GUCY1A2: variants seen among roughly 807,000 people sequenced by gnomAD.
GUCY1A2 encodes guanylate cyclase 1 soluble subunit alpha 2.
In GUCY1A2, 27 loss-of-function variants were observed where a neutral mutation model predicts 63.5. That is an observed-to-expected ratio of 0.43 (90% CI 0.31 to 0.59). The LOEUF is 0.59. GUCY1A2 is among the 20% of genes least tolerant of loss of function. The probability of loss-of-function intolerance (pLI) is 0.11; values close to 1 mark genes in which losing one functional copy is unlikely to be tolerated. For missense variants in GUCY1A2, 768 were observed against 913.3 expected (o/e 0.84, Z 2.05); for synonymous variants, 364 against 343.5 (o/e 1.06, Z -0.66).
At chr11:106,885,108 C>A (rs1290126640) in intron 4 of GUCY1A2, among the ~76,000 whole-genome samples, 1 of 152,132 alleles carries the variant, frequency 6.6e-6, no homozygotes, top group Non-Finnish European at 1.5e-5. Context: ...ACGTCACCAG[C>A]TCAAAACACC....
In GUCY1A2 at chr11:106,708,557, G is replaced by A. The variant is rs765787733; in HGVS notation, c.1946C>T (p.Ser649Leu). The change falls in exon 7 of 8, where the codon TCG becomes TTG. Residue 649 changes from serine to leucine, a missense_variant. Physicochemically the swap from Ser to Leu is moderately radical, Grantham distance 145. Transcript: ENST00000526355. ...NNVTLASKFE[S>L]GSHPRRINVS... ...ATTGATGCGCCGAGGGTGACTTCCC[G>A]ACTCGAATTTGCTTGCCAGTGTGAC... The A allele has an allele frequency of 1.2e-6, 2 of 1,612,662 alleles. No individual in the cohort carries two copies. Among genetic ancestry groups the A allele is most frequent in the Admixed American group, 1.7e-5 (1 of 59,872 alleles).
At chr11:107,008,431 T>C (rs150846845) in intron 1 of GUCY1A2, among the ~76,000 whole-genome samples, 2,053 of 152,320 alleles carry the variant, frequency 0.013, 28 homozygotes, top group South Asian at 0.045. Context: ...GTTATAACTA[T>C]ATTCCCGTTT....
intron 4 of GUCY1A2, among the ~76,000 whole-genome samples, chr11:106,935,445 CTAATTCTTGA>C (rs1243637439): frequency 2.0e-5 from 3 of 152,168 alleles, no homozygotes; most frequent in African/African-American, 7.2e-5. Flanking sequence ...ATTATTTTAA[CTAATTCTTGA>C]TAACAAGATG....
chr11:106,687,832 T>C (rs1334117215), intron 7 of GUCY1A2, 76 bp from the exon 8 acceptor site: 7 of 960,042 alleles, frequency 7.3e-6, no homozygotes, highest in Non-Finnish European at 1.2e-5. Flanking sequence ...TTTTAAAGGC[T>C]CAGGAAGCCT....
At chr11:106,933,936 C>T (rs75785976) in intron 4 of GUCY1A2, among the ~76,000 whole-genome samples, 4,912 of 152,080 alleles carry the variant, frequency 0.032, 254 homozygotes, top group African/African-American at 0.11. Flanking sequence ...CAACAATAGA[C>T]ATTGAAGACT....
At chr11:106,743,590 T>C (rs1036733391) in intron 6 of GUCY1A2, among the ~76,000 whole-genome samples, 1 of 152,210 alleles carries the variant, frequency 6.6e-6, no homozygotes, top group Admixed American at 6.5e-5. Context: ...GTGGTTTCCA[T>C]GACTAGAGGG....
At chr11:106,938,457 A>C (rs1345374808) in intron 4 of GUCY1A2, among the ~76,000 whole-genome samples, 1 of 152,150 alleles carries the variant, frequency 6.6e-6, no homozygotes, top group Non-Finnish European at 1.5e-5. Flanking sequence ...CCTTTAGCCC[A>C]GAGCAACCTG....
chr11:106,872,703 T>C (rs1288995074), intron 4 of GUCY1A2, among the ~76,000 whole-genome samples: 2 of 152,208 alleles, frequency 1.3e-5, no homozygotes, highest in African/African-American at 2.4e-5. Flanking sequence ...GATATAAGCA[T>C]GCTGTCTGGA....
chr11:106,724,703 T>C (rs1863374292), intron 6 of GUCY1A2, among the ~76,000 whole-genome samples: 1 of 152,232 alleles, frequency 6.6e-6, no homozygotes, highest in African/African-American at 2.4e-5. Flanking sequence ...GAGTGAGTCA[T>C]TGTTACTCTC....
At chr11:106,717,016 C>A (rs1863228840) in intron 6 of GUCY1A2, among the ~76,000 whole-genome samples, 1 of 152,088 alleles carries the variant, frequency 6.6e-6, no homozygotes, top group Non-Finnish European at 1.5e-5. Flanking sequence ...CCAAAGAGAA[C>A]AACAGAGATG....
intron 3 of GUCY1A2, among the ~76,000 whole-genome samples, chr11:106,951,398 C>T (rs773044645): frequency 2.0e-5 from 3 of 152,222 alleles, no homozygotes; most frequent in African/African-American, 7.2e-5. Context: ...GCCTCGCCAG[C>T]ATCTACTATT....
At chr11:106,794,665 A>C (rs571903993) in intron 5 of GUCY1A2, among the ~76,000 whole-genome samples, 1 of 152,218 alleles carries the variant, frequency 6.6e-6, no homozygotes, top group East Asian at 1.9e-4. Context: ...AATATAACCC[A>C]AAAAAGCTGG....
At chr11:106,704,819 AGTT>A (rs1360374183) in intron 7 of GUCY1A2, among the ~76,000 whole-genome samples, 1 of 151,574 alleles carries the variant, frequency 6.6e-6, no homozygotes, top group African/African-American at 2.4e-5. Flanking sequence ...ATGTTAAGAC[AGTT>A]GTTTATAATA....
At chr11:106,976,511 C>T (rs1019342849) in intron 3 of GUCY1A2, among the ~76,000 whole-genome samples, 13 of 152,036 alleles carry the variant, frequency 8.6e-5, no homozygotes, top group African/African-American at 2.7e-4. Context: ...TGAATATGAC[C>T]GCTAACGCTG....
chr11:106,970,956 G>A (rs534846333), intron 3 of GUCY1A2, among the ~76,000 whole-genome samples: 7 of 152,192 alleles, frequency 4.6e-5, no homozygotes, highest in African/African-American at 7.2e-5. Context: ...CTAAACAAAA[G>A]GAGCCAGTGA....
intron 4 of GUCY1A2, chr11:106,827,492 C>T (rs1858987708): frequency 6.8e-7 from 1 of 1,465,254 alleles, no homozygotes; most frequent in South Asian, 1.1e-5. Context: ...TGAGCACTGT[C>T]TGTATCACGG....
rs538218718 is a variant in GUCY1A2 at position 107,014,265 on chromosome 11, T to C, written c.303+3488A>G. On this transcript the variant is annotated intron_variant, in intron 1 of 7. Transcript: ENST00000526355. ...CACCATGCCCAGCTAATTTTTGTAT[T>C]TTTAGTAGAGACGGGGTTTCACCAT... is the stretch of plus-strand genomic sequence containing the variant. Among the ~76,000 whole-genome samples, 143 of 152,072 alleles carry C rather than the reference T, an allele frequency of 9.4e-4. 1 individual carries two copies. Among genetic ancestry groups the C allele is most frequent in the African/African-American group, 3.3e-3 (137 of 41,466 alleles).
chr11:106,707,224 T>C (rs866751309), intron 7 of GUCY1A2, among the ~76,000 whole-genome samples: 35 of 152,226 alleles, frequency 2.3e-4, no homozygotes, highest in Middle Eastern at 3.4e-3. Flanking sequence ...TTCTCATCTA[T>C]TTTGCAGAAT....
intron 4 of GUCY1A2, among the ~76,000 whole-genome samples, chr11:106,928,536 C>T (rs1031816970): frequency 1.3e-5 from 2 of 150,890 alleles, no homozygotes; most frequent in African/African-American, 4.9e-5. Flanking sequence ...GAAAACGAAC[C>T]AAGATTATTG....
Sources: gnomAD v4.1 joint callset for allele counts (sites outside exome capture counted in the v4.1 genomes callset) on GRCh38, gnomAD v4.1.1 for gene constraint, MANE v1.5 for transcripts, NCBI Gene and HGNC (gene_info 2026-07-23, HGNC 2026-07-21) for gene names.